The following CYB5B variants were observed in gnomAD, a reference collection of about 807,000 sequenced individuals.
CYB5B encodes the protein cytochrome b5 type B, also known as cytochrome b5 type B (outer mitochondrial membrane).
A neutral mutation model predicts 21.3 loss-of-function variants in CYB5B; 14 were observed. The observed-to-expected ratio is 0.66, with a 90% confidence interval of 0.43 to 1.03. The LOEUF is 1.03. CYB5B is among the 50% of genes least tolerant of loss of function. The probability of loss-of-function intolerance (pLI) is 0.00; values close to 1 mark genes in which losing one functional copy is unlikely to be tolerated. For missense variants in CYB5B, 166 were observed against 185.1 expected, an observed-to-expected ratio of 0.90 and a Z score of 0.60; for synonymous variants, 69 against 68.4, an observed-to-expected ratio of 1.01 and a Z score of -0.04.
At chr16:69,450,178 C>T (rs2014917963) in intron 3 of CYB5B, 1 of 146,288 alleles carries the variant, frequency 6.8e-6, no homozygotes. Context: ...CATGGTAACA[C>T]CATTGCACTT....
intron 3 of CYB5B, among the ~76,000 whole-genome samples, chr16:69,452,611 A>G (rs1223153651): frequency 6.6e-6 from 1 of 152,202 alleles, no homozygotes; most frequent in East Asian, 1.9e-4. Context: ...CACAGGTTGC[A>G]GTGAGCCAAG....
intron 4 of CYB5B, among the ~76,000 whole-genome samples, chr16:69,461,736 T>C (rs981522886): frequency 6.6e-6 from 1 of 152,206 alleles, no homozygotes; most frequent in African/African-American, 2.4e-5. Flanking sequence ...CTGTTAGAAC[T>C]GTATATGCTT....
At chr16:69,429,810 C>T (rs1487632707) in intron 1 of CYB5B, among the ~76,000 whole-genome samples, 1 of 152,212 alleles carries the variant, frequency 6.6e-6, no homozygotes, top group African/African-American at 2.4e-5. Context: ...GGAAGATTTA[C>T]ATTGGTATTC....
At position 69,462,437 on chromosome 16, in the gene CYB5B, G is replaced by A. The variant is rs867325931; in HGVS notation, c.370G>A (p.Ala124Thr). 9 of 1,613,180 alleles carry A rather than the reference G, an allele frequency of 5.6e-6. No individual in the cohort carries two copies. The highest frequency in any genetic ancestry group is 4.0e-5 in the African/African-American group (3 of 74,884). ...SKNDTCKSCW[A>T]YWILPIIGAV... ...TTCTCCCCCTATTCCTAGTTGCTGG[G>A]CATATTGGATTTTACCCATCATAGG... The change falls in exon 5 of 5, where the codon GCA becomes ACA. Residue 124 changes from alanine (A) to threonine (T), a missense_variant. By Grantham distance (58) the Ala-to-Thr change is moderately conservative. Coordinates refer to ENST00000307892, the MANE Select transcript of CYB5B (RefSeq NM_030579.3).
intron 1 of CYB5B, among the ~76,000 whole-genome samples, chr16:69,431,859 A>AT (rs1310491196): frequency 4.6e-5 from 7 of 152,342 alleles, no homozygotes; most frequent in African/African-American, 1.4e-4. Flanking sequence ...AGATGAAATA[A>AT]TTTTAAATTA....
At chr16:69,461,549 C>T (rs564055940) in intron 4 of CYB5B, among the ~76,000 whole-genome samples, 2 of 152,256 alleles carry the variant, frequency 1.3e-5, no homozygotes, top group South Asian at 4.2e-4. Flanking sequence ...TACCAAGACT[C>T]ATATGTCTTA....
chr16:69,441,445 C>T lies in CYB5B; in HGVS notation c.175-5705C>T, dbSNP rs116589085. Among the ~76,000 whole-genome samples, 566 of 152,336 alleles carry T rather than the reference C, an allele frequency of 3.7e-3. 5 individuals carry two copies. Among genetic ancestry groups the T allele is most frequent in the African/African-American group, 0.013 (540 of 41,580 alleles). ...CTGGGATTATAGGCGTGAGCCACCA[C>T]GACTGTCCTTACTTCTCTTTGATTT... On this transcript the variant is annotated intron_variant, in intron 1 of 4. Transcript: ENST00000307892.
intron 1 of CYB5B, among the ~76,000 whole-genome samples, chr16:69,442,087 TAAAG>T (rs1171262855): frequency 6.6e-6 from 1 of 152,146 alleles, no homozygotes; most frequent in Non-Finnish European, 1.5e-5. Context: ...ATTACTTTTG[TAAAG>T]AAAGTTATAA....
intron 1 of CYB5B, among the ~76,000 whole-genome samples, chr16:69,441,505 T>G (rs1453799478): frequency 6.6e-6 from 1 of 152,218 alleles, no homozygotes; most frequent in Non-Finnish European, 1.5e-5. Flanking sequence ...GTTTAATTTG[T>G]AGTCAAGAGT....
intron 1 of CYB5B, among the ~76,000 whole-genome samples, chr16:69,437,606 G>C (rs1435840719): frequency 1.3e-5 from 2 of 151,916 alleles, no homozygotes; most frequent in Admixed American, 6.6e-5. Context: ...TTTTATTGTG[G>C]TGAAATATAG....
intron 1 of CYB5B, among the ~76,000 whole-genome samples, chr16:69,440,432 A>G (rs1028624554): frequency 2.6e-5 from 4 of 152,184 alleles, no homozygotes; most frequent in Admixed American, 6.5e-5. Flanking sequence ...CACTTGTATA[A>G]CCACCATCTG....
At chr16:69,435,368 T>A (rs2014750158) in intron 1 of CYB5B, among the ~76,000 whole-genome samples, 1 of 152,226 alleles carries the variant, frequency 6.6e-6, no homozygotes, top group African/African-American at 2.4e-5. Context: ...TGCAGCATCT[T>A]TTGAGTACCA....
intron 1 of CYB5B, among the ~76,000 whole-genome samples, chr16:69,431,704 C>A (rs770327524): frequency 6.6e-6 from 1 of 152,076 alleles, no homozygotes; most frequent in Non-Finnish European, 1.5e-5. Context: ...GCCAGGACAT[C>A]GAGGCTGCAG....
chr16:69,431,433 A>T (rs2014705311), intron 1 of CYB5B, among the ~76,000 whole-genome samples: 1 of 152,168 alleles, frequency 6.6e-6, no homozygotes, highest in Non-Finnish European at 1.5e-5. Flanking sequence ...AAATAAACAT[A>T]AACATGGAAC....
chr16:69,461,289 G>A (rs955801381), intron 4 of CYB5B, among the ~76,000 whole-genome samples: 2 of 151,900 alleles, frequency 1.3e-5, no homozygotes, highest in Admixed American at 6.6e-5. Flanking sequence ...AGTCTCTTGC[G>A]GTTACTCTTC....
At chr16:69,446,826 T>A (rs1044332467) in intron 1 of CYB5B, among the ~76,000 whole-genome samples, 1 of 152,200 alleles carries the variant, frequency 6.6e-6, no homozygotes, top group African/African-American at 2.4e-5. Context: ...CTGGAACAGT[T>A]TCTTCACTCT....
In CYB5B at chr16:69,443,228, A is replaced by C. The variant is rs1233527073; in HGVS notation, c.175-3922A>C. 3.3e-5 allele frequency: 5 copies of C among 152,658 alleles called. No individual in the cohort carries two copies. In the East Asian group the frequency reaches 9.6e-4, roughly 29 times the overall value. 9.5% of individuals were successfully genotyped at this position (152,658 alleles called of 1,614,324 possible). On this transcript the variant is annotated intron_variant, in intron 1 of 4. Coordinates refer to ENST00000307892, the MANE Select transcript of CYB5B (RefSeq NM_030579.3). The stretch of plus-strand genomic sequence containing the variant: ...TGGGATTACAGGCGTGAGCCATGGC[A>C]CTTGGTCTTGTAACTCCTTTTTGAA...
chr16:69,452,084 G>A (rs1567474503), intron 3 of CYB5B, among the ~76,000 whole-genome samples: 1 of 151,696 alleles, frequency 6.6e-6, no homozygotes, highest in African/African-American at 2.4e-5. Context: ...ATGGATGGAT[G>A]GATAGACAGA....
intron 1 of CYB5B, among the ~76,000 whole-genome samples, chr16:69,445,753 T>G (rs2014871329): frequency 6.6e-6 from 1 of 151,972 alleles, no homozygotes; most frequent in Admixed American, 6.6e-5. Context: ...CACCTGAGAT[T>G]GGGAGTTCGA....
Sources: allele counts gnomAD v4.1 joint callset (sites outside exome capture counted in the v4.1 genomes callset), GRCh38; gene constraint gnomAD v4.1.1; transcripts MANE v1.5; gene names NCBI Gene and HGNC (gene_info 2026-07-23, HGNC 2026-07-21).